Variants in PTGER4 observed in about 807,000 individuals in gnomAD.
The protein encoded by PTGER4 is prostaglandin E2 receptor EP4 subtype.
Under a neutral mutation model 33.2 loss-of-function variants are expected in PTGER4, and 11 were observed. That is an observed-to-expected ratio of 0.33 (90% CI 0.21 to 0.55). The LOEUF is 0.55. Ranked by LOEUF, PTGER4 falls within the 20% of genes least tolerant of loss-of-function variation. The pLI is 0.92. For synonymous variants in PTGER4, 275 were observed against 281.5 expected, an observed-to-expected ratio of 0.98 and a Z score of 0.23; for missense variants, 481 against 650.2, an observed-to-expected ratio of 0.74 and a Z score of 2.83.
chr5:40,695,335 G>A (rs1433469546), downstream of PTGER4, among the ~76,000 whole-genome samples: 1 of 152,134 alleles, frequency 6.6e-6, no homozygotes, highest in African/African-American at 2.4e-5. Context: ...ACGAGGTCAG[G>A]AGTTTAAGAC....
chr5:40,707,070 A>G, the PTGER4 span, among the ~76,000 whole-genome samples: 1 of 152,216 alleles, frequency 6.6e-6, no homozygotes, highest in Non-Finnish European at 1.5e-5. Flanking sequence ...AGCCACTGCA[A>G]AAACATGCCA....
chr5:40,715,954 A>G, the PTGER4 span: 1 of 469,302 alleles, frequency 2.1e-6, no homozygotes. Context: ...GAGAAATATA[A>G]ATCATAACTT....
At chr5:40,699,840 A>T in the PTGER4 span, among the ~76,000 whole-genome samples, 12 of 151,944 alleles carry the variant, frequency 7.9e-5, no homozygotes, top group African/African-American at 1.7e-4. Context: ...CAATTTAATT[A>T]AAAAAAAGTA....
At chr5:40,720,554 C>G in the PTGER4 span, among the ~76,000 whole-genome samples, 1 of 152,188 alleles carries the variant, frequency 6.6e-6, no homozygotes, top group Admixed American at 6.5e-5. Context: ...CCCAAGGGCA[C>G]TCCTCTTCAA....
At chr5:40,716,163 A>C in the PTGER4 span, 1 of 1,606,948 alleles carries the variant, frequency 6.2e-7, no homozygotes, top group Non-Finnish European at 8.5e-7. Flanking sequence ...CTTTGATAAA[A>C]ACAGAGCCAT....
At chr5:40,729,150 G>T in the PTGER4 span, among the ~76,000 whole-genome samples, 1 of 152,096 alleles carries the variant, frequency 6.6e-6, no homozygotes, top group Non-Finnish European at 1.5e-5. Context: ...CATAAAGCTT[G>T]CCACAAACCT....
chr5:40,741,395 C>T, the PTGER4 span, among the ~76,000 whole-genome samples: 2 of 152,196 alleles, frequency 1.3e-5, no homozygotes, highest in Non-Finnish European at 2.9e-5. Flanking sequence ...TAGCTCTCCG[C>T]TCTGTATGAA....
chr5:40,738,444 A>AATACAATAC, the PTGER4 span, among the ~76,000 whole-genome samples: 54 of 83,646 alleles, frequency 6.5e-4, no homozygotes, highest in Non-Finnish European at 8.8e-4. Flanking sequence ...ATATAAAATA[A>AATACAATAC]AATACAATAC....
At chr5:40,708,594 A>G in the PTGER4 span, among the ~76,000 whole-genome samples, 2 of 152,332 alleles carry the variant, frequency 1.3e-5, no homozygotes, top group African/African-American at 4.8e-5. Flanking sequence ...GCCGAATTCT[A>G]CCAGAGGTAC....
At chr5:40,739,936 C>CTT in the PTGER4 span, among the ~76,000 whole-genome samples, 23 of 151,890 alleles carry the variant, frequency 1.5e-4, no homozygotes, top group East Asian at 4.3e-3. Context: ...ACAAATGGTG[C>CTT]TTTTTTTTAA....
In PTGER4 at chr5:40,691,274, C is replaced by G. The variant is rs138516439; in HGVS notation, c.868-505C>G. ...TCAGCTCACTGCAACCTCCGCCTCC[C>G]AGGTTCAAATGATTCTCCTGCCTCA... On this transcript the variant is annotated intron_variant, in intron 2 of 2. Transcript: ENST00000302472. This position sits in a 1 kb window ranked among gnomAD's most constrained non-coding sequence, Gnocchi z 4.2. Among the ~76,000 whole-genome samples, 1,185 of 152,352 alleles carry G rather than the reference C, an allele frequency of 7.8e-3. 12 individuals are homozygous for G. The highest frequency in any genetic ancestry group is 0.026 in the African/African-American group (1,072 of 41,574).
At chr5:40,712,646 C>A in the PTGER4 span, among the ~76,000 whole-genome samples, 16 of 152,278 alleles carry the variant, frequency 1.1e-4, no homozygotes, top group South Asian at 3.1e-3. Context: ...TGGCAAGAGA[C>A]CACAACATCG....
At chr5:40,738,459 CAAT>C in the PTGER4 span, among the ~76,000 whole-genome samples, 30 of 99,648 alleles carry the variant, frequency 3.0e-4, no homozygotes, top group African/African-American at 1.1e-3. Flanking sequence ...CAATACAATA[CAAT>C]ACAATACAAT....
the PTGER4 span, among the ~76,000 whole-genome samples, chr5:40,720,285 G>A: frequency 0.22 from 33,161 of 152,080 alleles, 4,325 homozygotes; most frequent in Admixed American, 0.37. Context: ...AACTGCCTCA[G>A]CACCATTTGC....
At chr5:40,733,798 T>C in the PTGER4 span, among the ~76,000 whole-genome samples, 1 of 152,206 alleles carries the variant, frequency 6.6e-6, no homozygotes, top group Non-Finnish European at 1.5e-5. Flanking sequence ...TAAGCTTAAG[T>C]TGTCCCAAGT....
At chr5:40,727,243 T>A in the PTGER4 span, among the ~76,000 whole-genome samples, 1 of 152,238 alleles carries the variant, frequency 6.6e-6, no homozygotes, top group African/African-American at 2.4e-5. Context: ...AAGAAACTTT[T>A]AAAATGTTTT....
the PTGER4 span, among the ~76,000 whole-genome samples, chr5:40,743,716 G>A: frequency 6.6e-6 from 1 of 152,184 alleles, no homozygotes; most frequent in Non-Finnish European, 1.5e-5. Context: ...GGAGGTTGCA[G>A]TGAGCCAAGA....
chr5:40,743,304 A>G, the PTGER4 span, among the ~76,000 whole-genome samples: 1 of 152,236 alleles, frequency 6.6e-6, no homozygotes, highest in East Asian at 1.9e-4. Context: ...GTCATAGCAC[A>G]AAGTTGTATA....
the PTGER4 span, among the ~76,000 whole-genome samples, chr5:40,742,751 G>A: frequency 4.6e-5 from 7 of 152,140 alleles, no homozygotes; most frequent in African/African-American, 9.7e-5. Context: ...ATTTTCATTC[G>A]GGAGGAGGGT....
Sources: allele counts gnomAD v4.1 joint callset (sites outside exome capture counted in the v4.1 genomes callset), GRCh38; gene constraint gnomAD v4.1.1; non-coding constraint Gnocchi (gnomAD v3.1); transcripts MANE v1.5; gene names NCBI Gene and HGNC (gene_info 2026-07-23, HGNC 2026-07-21).